Variants in NKTR observed in about 807,000 individuals in gnomAD.
NKTR encodes NK-tumor recognition protein.
NKTR carries 67 observed loss-of-function variants against 156.3 expected under a neutral mutation model. That is an observed-to-expected ratio of 0.43 (90% CI 0.35 to 0.53). NKTR has a LOEUF of 0.53. Ranked by LOEUF, NKTR falls within the 20% of genes least tolerant of loss-of-function variation. The pLI is 0.01. For synonymous variants in NKTR, 640 were observed against 596.6 expected (o/e 1.07, Z -1.06); for missense variants, 1,604 against 1,730.9 (o/e 0.93, Z 1.30).
In NKTR at chr3:42,645,985, G is replaced by C; in HGVS notation, c.*10G>C. ...CAGCAGATACAGTTGAAAACGTCCG[G>C]ATACAAATTATATCTTATTTGTAAA... is the stretch of plus-strand genomic sequence containing the variant. On this transcript the variant is annotated 3_prime_UTR_variant, in exon 17 of 17. Transcript: ENST00000232978. The C allele has an allele frequency of 6.3e-7, 1 of 1,593,836 alleles. No individual in the cohort carries two copies.
intron 2 of NKTR, 86 bp downstream of exon 2, chr3:42,601,150 C>A: frequency 1.7e-6 from 2 of 1,143,510 alleles, no homozygotes; most frequent in Non-Finnish European, 1.2e-6. Flanking sequence ...CCTCCCCCGG[C>A]CTTTTTGGGA....
In NKTR at chr3:42,639,301, T is replaced by C. The variant is rs1385080966; in HGVS notation, c.3597T>C (p.Ala1199=). The change falls in exon 13 of 17, where the codon GCT becomes GCC. Residue 1199 remains alanine, a synonymous_variant. Transcript: ENST00000232978. ...GEVGKQDSSS[A]SLASAGESTG... ...TGGGGAAACAGGACAGCAGCTCTGC[T>C]AGCTTGGCTAGTGCTGGAGAAAGTA... is the stretch of plus-strand genomic sequence containing the variant. 1.2e-6 allele frequency: 2 copies of C among 1,614,104 alleles called. No homozygotes were observed. The highest frequency in any genetic ancestry group is 1.3e-5 in the African/African-American group (1 of 75,034).
chr3:42,639,198 A>G lies in NKTR; in HGVS notation c.3494A>G (p.Asp1165Gly), dbSNP rs780247509. 2 of 1,614,198 alleles carry G rather than the reference A, an allele frequency of 1.2e-6. No homozygotes were observed. Among genetic ancestry groups the G allele is most frequent in the Non-Finnish European group, 8.5e-7 (1 of 1,180,032 alleles). The change falls in exon 13 of 17, where the codon GAT becomes GGT. Residue 1165 changes from aspartate to glycine, a missense_variant. By Grantham distance (94) the Asp-to-Gly change is moderately conservative. Transcript: ENST00000232978. Reference protein sequence around the residue: ...TPDINIVLKQDMATEHPQAEV... With the variant: ...TPDINIVLKQGMATEHPQAEV... ...GATATAAACATTGTTTTGAAGCAGG[A>G]TATGGCAACGGAACATCCTCAAGCA...
Position 42,642,512 on chromosome 3 carries a change from A to T in NKTR, c.4058A>T (p.Tyr1353Phe). Reference protein sequence around the residue: ...SSTSSYRSRSYSRSRSRGWYS... With the variant: ...SSTSSYRSRSFSRSRSRGWYS... ...TGCTTTAATTGTAGATCAAGAAGCTACTCTAGAAGTCGGAGCAGAGGATGG... is the reference window on the plus strand; with the variant it reads ...TGCTTTAATTGTAGATCAAGAAGCTTCTCTAGAAGTCGGAGCAGAGGATGG... Residue 1353 changes from tyrosine (Y) to phenylalanine (F), a missense_variant, in exon 14 of 17, where the codon TAC (tyrosine) becomes TTC (phenylalanine). Around this residue, in one of 6 missense-constraint regions of NKTR, gnomAD observed 193 missense variants for 220.2 expected, o/e 0.88. Coordinates refer to ENST00000232978, the MANE Select transcript of NKTR (RefSeq NM_005385.4). 1 of 1,612,296 alleles carries T rather than the reference A, an allele frequency of 6.2e-7. No individual in the cohort carries two copies. Among genetic ancestry groups the T allele is most frequent in the Non-Finnish European group, 8.5e-7 (1 of 1,178,362 alleles).
chr3:42,638,330 A>C lies in NKTR; in HGVS notation c.2626A>C (p.Lys876Gln). ...SDHLRNGSKP[K>Q]RKNYAGSKWD... ...TCACCTTAGAAATGGCAGTAAGCCC[A>C]AAAGGAAGAATTATGCTGGTAGTAA... is the stretch of plus-strand genomic sequence containing the variant. The change falls in exon 13 of 17, where the codon AAA (lysine) becomes CAA (glutamine). Residue 876 changes from lysine to glutamine, a missense_variant. Physicochemically the swap from Lys to Gln is moderately conservative, Grantham distance 53. Transcript: ENST00000232978. The C allele has an allele frequency of 6.2e-7, 1 of 1,611,046 alleles. No homozygotes were observed. Among genetic ancestry groups the C allele is most frequent in the Non-Finnish European group, 8.5e-7 (1 of 1,179,154 alleles).
chr3:42,605,895 A>G lies in NKTR; in HGVS notation c.58+4831A>G, dbSNP rs145575964. On this transcript the variant is annotated intron_variant, in intron 2 of 16. Coordinates refer to ENST00000232978, the MANE Select transcript of NKTR (RefSeq NM_005385.4). ...AAGAGTAATTAAATAATGCCATCTTATAGATTGTATTAGAGTAACATGAAC... is the reference window on the plus strand; with the variant it reads ...AAGAGTAATTAAATAATGCCATCTTGTAGATTGTATTAGAGTAACATGAAC... 2.0e-3 allele frequency among the ~76,000 whole-genome samples: 307 copies of G among 152,356 alleles called. 1 individual carries two copies. The highest frequency in any genetic ancestry group is 7.0e-3 in the African/African-American group (292 of 41,582).
In NKTR at chr3:42,637,521, C is replaced by T. The variant is rs753150420; in HGVS notation, c.1817C>T (p.Pro606Leu). ...CAACCAGTTGTAGCAGAAAATATTC[C>T]TGTAATACCACTGAGTGACAGTCCC... ...VVQPVVAENI[P>L]VIPLSDSPPP... Residue 606 changes from proline (P) to leucine (L), a missense_variant, in exon 13 of 17, where the codon CCT (proline) becomes CTT (leucine). Pro to Leu is a moderately conservative substitution (Grantham distance 98). Around this residue, in one of 6 missense-constraint regions of NKTR, gnomAD observed 1,255 missense variants for 1,243.7 expected, o/e 1.01. Coordinates refer to ENST00000232978, the MANE Select transcript of NKTR (RefSeq NM_005385.4). 7 of 1,613,878 alleles carry T rather than the reference C, an allele frequency of 4.3e-6. No individual in the cohort carries two copies. The highest frequency in any genetic ancestry group is 1.6e-4 in the Middle Eastern group (1 of 6,084).
chr3:42,601,073 GA>G lies in NKTR; in HGVS notation c.58+12del. 1 of 1,562,970 alleles carries G rather than the reference GA, an allele frequency of 6.4e-7. No individual in the cohort carries two copies. The highest frequency in any genetic ancestry group is 8.6e-7 in the Non-Finnish European group (1 of 1,157,424). ...GATCAACCGGGAGCCGGGTGAGCTG[GA>G]AACTGGGGAGCGCTGCTGGGGCCGA... On this transcript the variant is annotated intron_variant, in intron 2 of 16. Transcript: ENST00000232978.
intron 3 of NKTR, 120 bp from the exon 4 acceptor site, chr3:42,618,900 T>C (rs1397779757): frequency 5.2e-6 from 4 of 764,056 alleles, no homozygotes; most frequent in South Asian, 3.9e-5. Context: ...CTATTTCTTA[T>C]ATCTCTTCCA....
At chr3:42,604,184 C>G (rs1364291109) in intron 2 of NKTR, among the ~76,000 whole-genome samples, 2 of 152,080 alleles carry the variant, frequency 1.3e-5, no homozygotes, top group Admixed American at 1.3e-4. Context: ...TTCCTTTTGT[C>G]TTTTTCCTTT....
At chr3:42,603,360 T>TA (rs376932471) in intron 2 of NKTR, among the ~76,000 whole-genome samples, 4,291 of 92,252 alleles carry the variant, frequency 0.047, 92 homozygotes, top group Admixed American at 0.065. Context: ...ATCTTGTTTC[T>TA]AAAAAAAAAA....
chr3:42,634,798 C>G (rs1008521651), intron 11 of NKTR, 98 bp downstream of exon 11: 1 of 641,680 alleles, frequency 1.6e-6, no homozygotes, highest in African/African-American at 1.8e-5. Flanking sequence ...AATACAAAAT[C>G]TGTTCAAGGA....
At position 42,630,357 on chromosome 3, in the gene NKTR, A is replaced by T. The variant is rs1425278875; in HGVS notation, c.375-189A>T. The T allele has an allele frequency of 5.0e-6, 7 of 1,399,564 alleles. No homozygotes were observed. In the East Asian group the frequency reaches 1.8e-4, roughly 37 times the overall value. The allele number at this position is 1,399,564 out of a possible 1,614,324, so 86.7% of individuals were successfully genotyped here. A position where few individuals can be genotyped will look rare whatever the true frequency, so the allele number is the denominator to read the frequency against. ...AATTCATTATAATCTTGAGTTTTTT[A>T]AATTAGTAAGATGGCTACTATTGCT... On this transcript the variant is annotated intron_variant, in intron 6 of 16. Coordinates refer to ENST00000232978, the MANE Select transcript of NKTR (RefSeq NM_005385.4).
At chr3:42,621,274 TG>T (rs1166834894) in intron 5 of NKTR, 154 bp from the exon 6 acceptor site, 5 of 1,327,326 alleles carry the variant, frequency 3.8e-6, no homozygotes, top group Non-Finnish European at 4.8e-6. Context: ...TTTTGTTATT[TG>T]ATTAGCTTAA....
At position 42,632,697 on chromosome 3, in the gene NKTR, T is replaced by G; in HGVS notation, c.647T>G (p.Leu216Arg). Residue 216 changes from leucine to arginine, a missense_variant, in exon 9 of 17, where the codon CTT (leucine) becomes CGT (arginine). Leu to Arg is a moderately radical substitution (Grantham distance 102). Coordinates refer to ENST00000232978, the MANE Select transcript of NKTR (RefSeq NM_005385.4). ...SSSESSSESE[L>R]EHERSRRRKH... ...TCAGAATCATCTTCAGAAAGTGAACTTGAACATGAGAGAAGCAGAAGGAGG... is the reference window on the plus strand; with the variant it reads ...TCAGAATCATCTTCAGAAAGTGAACGTGAACATGAGAGAAGCAGAAGGAGG... 6.2e-7 allele frequency: 1 copy of G among 1,613,882 alleles called. No homozygotes were observed.
Position 42,638,086 on chromosome 3 carries a change from T to G in NKTR, c.2382T>G (p.Cys794Trp). Reference sequence around the variant, plus strand: ...TCAAAGGTAGAGACAGGTCTTCATGTGTGAGAAAGTATAGCGAGAGCAGAT... The same window carrying G: ...TCAAAGGTAGAGACAGGTCTTCATGGGTGAGAAAGTATAGCGAGAGCAGAT... ...KYVKGRDRSSCVRKYSESRSS... is the reference protein window; with the variant it reads ...KYVKGRDRSSWVRKYSESRSS... Residue 794 changes from cysteine (C) to tryptophan (W), a missense_variant, in exon 13 of 17, where the codon TGT (cysteine) becomes TGG (tryptophan). This residue lies in a region of NKTR where 1,255 missense variants were observed against 1,243.7 expected (regional missense o/e 1.01). Transcript: ENST00000232978. 2 of 1,614,144 alleles carry G rather than the reference T, an allele frequency of 1.2e-6. No individual in the cohort carries two copies. The highest frequency in any genetic ancestry group is 1.7e-6 in the Non-Finnish European group (2 of 1,180,028).
rs773957825 is a variant in NKTR, at chr3:42,637,274, C to A, written c.1570C>A (p.His524Asn). 5.7e-5 allele frequency: 92 copies of A among 1,613,630 alleles called. No individual in the cohort carries two copies. The highest frequency in any genetic ancestry group is 7.5e-5 in the Non-Finnish European group (88 of 1,179,932). ...CAGAGACTCATACAGATCAAAATCT[C>A]ACTCACAGTCTTATTCTAGAGGAAG... is the stretch of plus-strand genomic sequence containing the variant. ...SSRDSYRSKS[H>N]SQSYSRGSSR... is the part of the protein sequence containing the mutation. Residue 524 changes from histidine (H) to asparagine (N), a missense_variant, in exon 13 of 17, where the codon CAC becomes AAC. Transcript: ENST00000232978.
chr3:42,636,589 T>TG (rs774197662), intron 12 of NKTR, among the ~76,000 whole-genome samples: 4 of 152,214 alleles, frequency 2.6e-5, no homozygotes, highest in African/African-American at 7.2e-5. Context: ...GCAGTGTTCT[T>TG]GTGATTAGTT....
chr3:42,616,518 C>G (rs536197755), intron 2 of NKTR, among the ~76,000 whole-genome samples: 28 of 152,168 alleles, frequency 1.8e-4, no homozygotes, highest in African/African-American at 6.3e-4. Flanking sequence ...CTTGTGTATT[C>G]TTGTGTTTTA....
Sources: allele counts gnomAD v4.1 joint callset (sites outside exome capture counted in the v4.1 genomes callset), GRCh38; gene constraint gnomAD v4.1.1; regional missense constraint gnomAD v4.1.1; transcripts MANE v1.5; gene names NCBI Gene and HGNC (gene_info 2026-07-23, HGNC 2026-07-21).